The following ZNF554 variants were observed in gnomAD, a reference collection of about 807,000 sequenced individuals.
ZNF554 encodes zinc finger protein 554.
ZNF554 carries 15 observed loss-of-function variants against 21.2 expected under a neutral mutation model. The observed-to-expected ratio is 0.71, with a 90% CI of 0.47 to 1.09. The LOEUF (loss-of-function observed/expected upper bound fraction) is 1.09, where lower values mean the gene tolerates loss of function less well. Ranked by LOEUF, ZNF554 falls within the 50% of genes least tolerant of loss-of-function variation. ZNF554 has a pLI of 0.00. For synonymous variants in ZNF554, 258 were observed against 251.4 expected (o/e 1.03, Z -0.25); for missense variants, 691 against 662.7 (o/e 1.04, Z -0.47).
At chr19:2,832,040 C>T (rs2087427387) in intron 3 of ZNF554, 2 of 241,788 alleles carry the variant, frequency 8.3e-6, no homozygotes, top group Non-Finnish European at 1.6e-5. Context: ...ATTCTCCCAC[C>T]TCAGCCTCCT....
At chr19:2,820,265 C>T (rs984539799) in intron 1 of ZNF554, 141 bp downstream of exon 1, 94 of 809,668 alleles carry the variant, frequency 1.2e-4, no homozygotes, top group Non-Finnish European at 1.4e-4. Flanking sequence ...GAGCCGGCAG[C>T]TCGCCCAGGG....
At position 2,834,924 on chromosome 19, in the gene ZNF554, G is replaced by A. The variant is rs1421870620; in HGVS notation, c.*72G>A. On this transcript the variant is annotated 3_prime_UTR_variant, in exon 5 of 5. Coordinates refer to ENST00000317243, the MANE Select transcript of ZNF554 (RefSeq NM_001102651.2). ...ACATGTGGTTATCTTTTGCCCTGTT[G>A]TGATGGATAATTTGAAAAGAAGTGG... 2.9e-6 allele frequency: 4 copies of A among 1,367,486 alleles called. No homozygotes were observed. Among genetic ancestry groups the A allele is most frequent in the Non-Finnish European group, 4.0e-6 (4 of 1,007,620 alleles). The allele number at this position is 1,367,486 out of a possible 1,614,324, so 84.7% of individuals were successfully genotyped here.
chr19:2,828,616 AG>A (rs1325362360), intron 3 of ZNF554, among the ~76,000 whole-genome samples: 1 of 151,716 alleles, frequency 6.6e-6, no homozygotes, highest in Non-Finnish European at 1.5e-5. Context: ...GCAGGGTTGC[AG>A]TGAGCCAAGA....
In ZNF554 at chr19:2,834,527, C is replaced by A; in HGVS notation, c.1292C>A (p.Thr431Asn). ...CTGATCTTGCACAAGAGGACACACA[C>A]CGGAGAGAAGCCCTACGAATGCAGT... ...SYLILHKRTH[T>N]GEKPYECSEC... is the part of the protein sequence containing the mutation. Residue 431 changes from threonine to asparagine, a missense_variant, in exon 5 of 5, where the codon ACC becomes AAC. Thr to Asn is a moderately conservative substitution (Grantham distance 65). Transcript: ENST00000317243. The A allele has an allele frequency of 1.2e-6, 2 of 1,614,084 alleles. No homozygotes were observed. Among genetic ancestry groups the A allele is most frequent in the Non-Finnish European group, 1.7e-6 (2 of 1,180,024 alleles).
rs577320595 is a variant in ZNF554, at chr19:2,821,787, T to C, written c.54-1253T>C. ...GATCAAGCAATTCTGCCTCAGCCTC[T>C]CGAGTAGCTGGGATTACAGGTGCAC... On this transcript the variant is annotated intron_variant, in intron 1 of 4. Coordinates refer to ENST00000317243, the MANE Select transcript of ZNF554 (RefSeq NM_001102651.2). The surrounding 1 kb of genome is among the most constrained non-coding windows in gnomAD (Gnocchi z 8.2). Among the ~76,000 whole-genome samples, 6 of 150,848 alleles carry C rather than the reference T, an allele frequency of 4.0e-5. No individual in the cohort carries two copies. Among genetic ancestry groups the C allele is most frequent in the East Asian group, 4.0e-4 (2 of 4,998 alleles).
Position 2,820,093 on chromosome 19 carries a change from G to A in ZNF554, c.22G>A (p.Gly8Ser). The A allele has an allele frequency of 1.6e-6, 2 of 1,216,740 alleles. No homozygotes were observed. Among genetic ancestry groups the A allele is most frequent in the Non-Finnish European group, 2.0e-6 (2 of 977,866 alleles). 75.4% of individuals were successfully genotyped at this position (1,216,740 alleles called of 1,614,324 possible). The change falls in exon 1 of 5, where the codon GGC becomes AGC. Residue 8 changes from glycine (G) to serine (S), a missense_variant. Coordinates refer to ENST00000317243, the MANE Select transcript of ZNF554 (RefSeq NM_001102651.2). ...CCCGATGGTCACCTGCGCCCACCTG[G>A]GCCGGCGCGCGCGGCTCCCGGCAGC... Reference protein sequence around the residue: MVTCAHLGRRARLPAAQP... With the variant: MVTCAHLSRRARLPAAQP...
At chr19:2,823,333 C>T (rs1022775611) in intron 2 of ZNF554, among the ~76,000 whole-genome samples, 11 of 152,108 alleles carry the variant, frequency 7.2e-5, no homozygotes, top group East Asian at 1.9e-4. Context: ...GACAGTATTA[C>T]GGGATCCCTG....
In ZNF554 at chr19:2,821,067, C is replaced by T. The variant is rs1248373697; in HGVS notation, c.53+943C>T. ...CCCAACCTCCCTGAACTCTCCCCTA[C>T]CCAAACAGGTTGGTTTCTTTTTCTT... On this transcript the variant is annotated intron_variant, in intron 1 of 4. Coordinates refer to ENST00000317243, the MANE Select transcript of ZNF554 (RefSeq NM_001102651.2). The surrounding 1 kb of genome is among the most constrained non-coding windows in gnomAD (Gnocchi z 8.2). 2.6e-5 allele frequency among the ~76,000 whole-genome samples: 4 copies of T among 151,670 alleles called. No homozygotes were observed. The South Asian group carries it at 6.2e-4, about 24-fold the overall frequency.
chr19:2,828,473 G>C (rs972639548), intron 3 of ZNF554, among the ~76,000 whole-genome samples: 1 of 152,122 alleles, frequency 6.6e-6, no homozygotes, highest in Admixed American at 6.6e-5. Context: ...GTGATCACCT[G>C]AGGTCAGGAG....
intron 1 of ZNF554, 79 bp downstream of exon 1, chr19:2,820,203 C>A: frequency 8.5e-7 from 1 of 1,175,652 alleles, no homozygotes; most frequent in South Asian, 4.2e-5. Flanking sequence ...CTGGCGGGGC[C>A]GGGTGGCCGG....
At chr19:2,833,641 C>A in intron 4 of ZNF554, 40 bp from the exon 5 acceptor site, 2 of 1,495,056 alleles carry the variant, frequency 1.3e-6, no homozygotes, top group South Asian at 1.4e-5. Context: ...GTAGCTGTTT[C>A]TTCTTCTAAA....
chr19:2,836,216 TATTACGGGTGTGAGCCACCGTGCTGGG>T lies in ZNF554; in HGVS notation c.*1373_*1399del, dbSNP rs1568338811. On this transcript the variant is annotated 3_prime_UTR_variant, in exon 5 of 5. Transcript: ENST00000317243. ...TTACGGGTGTGAGCCACCGTGCTGG[TATTACGGGTGTGAGCCACCGTGCTGGG>T]ATTACGGGCGTGAGCCACTGTGCTG... Among the ~76,000 whole-genome samples the T allele has an allele frequency of 5.2e-5, 7 of 135,604 alleles. No individual in the cohort carries two copies. The highest frequency in any genetic ancestry group is 1.6e-4 in the African/African-American group (6 of 38,004). The allele number at this position is 135,604 out of a possible 152,430, so 89.0% of individuals were successfully genotyped here.
intron 1 of ZNF554, among the ~76,000 whole-genome samples, chr19:2,820,704 A>G (rs2087251602): frequency 1.6e-5 from 1 of 61,820 alleles, no homozygotes; most frequent in Non-Finnish European, 2.9e-5. Context: ...TTTTTTTGAG[A>G]CGGAGTCTGG....
At chr19:2,822,706 G>A (rs768443604) in intron 1 of ZNF554, among the ~76,000 whole-genome samples, 4 of 152,170 alleles carry the variant, frequency 2.6e-5, no homozygotes, top group South Asian at 2.1e-4. Flanking sequence ...GCAAGGCCCC[G>A]TCTCTACAGA....
rs995504687 is a variant in ZNF554, at chr19:2,832,306, C to G, written c.257C>G (p.Ala86Gly). 7 of 1,576,734 alleles carry G rather than the reference C, an allele frequency of 4.4e-6. No individual in the cohort carries two copies. Among genetic ancestry groups the G allele is most frequent in the East Asian group, 2.3e-5 (1 of 44,354 alleles). ...AGTATACTCTTGTCTTTTTCAGAAGCCTTGAAGAACCAATGTACTGATGTG... is the reference window on the plus strand; with the variant it reads ...AGTATACTCTTGTCTTTTTCAGAAGGCTTGAAGAACCAATGTACTGATGTG... The part of the protein sequence containing the change: ...ENYRNVVSLE[A>G]LKNQCTDVGI... The change falls in exon 4 of 5, where the codon GCC becomes GGC. Residue 86 changes from alanine to glycine, a missense_variant. Coordinates refer to ENST00000317243, the MANE Select transcript of ZNF554 (RefSeq NM_001102651.2).
rs1211233598 is a variant in ZNF554 at position 2,820,109 on chromosome 19, TC to T, written c.41del (p.Pro14ArgfsTer31). ...GCCCACCTGGGCCGGCGCGCGCGGC[TC>T]CCGGCAGCTCAGCCGTAAGTGCCGC... ...TCAHLGRRARLPAAQPSACPG... is the reference protein window; with the variant it reads ...TCAHLGRRARXPAAQPSACPG... On this transcript the variant is annotated frameshift_variant, in exon 1 of 5. Transcript: ENST00000317243. LOFTEE classifies it high-confidence loss of function. 1.1e-5 allele frequency: 13 copies of T among 1,219,630 alleles called. No homozygotes were observed. Among genetic ancestry groups the T allele is most frequent in the Non-Finnish European group, 1.3e-5 (13 of 979,886 alleles). 75.6% of individuals were successfully genotyped at this position (1,219,630 alleles called of 1,614,324 possible).
chr19:2,834,357 T>C lies in ZNF554; in HGVS notation c.1122T>C (p.His374=). Residue 374 remains histidine (H), a synonymous_variant, in exon 5 of 5, where the codon CAT becomes CAC. Transcript: ENST00000317243. ...CCCTCACGCGCCATCTGAGAACTCA[T>C]ACTGGAGAGAAGCCCTACGGGTGCG... is the stretch of plus-strand genomic sequence containing the variant. ...SSTLTRHLRT[H]TGEKPYGCGE... is the part of the protein sequence containing the mutation. 3.7e-6 allele frequency: 6 copies of C among 1,613,462 alleles called. No homozygotes were observed. The highest frequency in any genetic ancestry group is 2.2e-5 in the South Asian group (2 of 91,050).
At position 2,833,839 on chromosome 19, in the gene ZNF554, C is replaced by G. The variant is rs1568336636; in HGVS notation, c.604C>G (p.Gln202Glu). The G allele has an allele frequency of 6.2e-7, 1 of 1,612,486 alleles. No individual in the cohort carries two copies. The highest frequency in any genetic ancestry group is 1.3e-5 in the African/African-American group (1 of 74,950). ...TGAAGACCCCCAGGGGCTTTTGAGC[C>G]AAAAGGCATCCCTTCACGTAGTGGC... is the stretch of plus-strand genomic sequence containing the variant. ...SHEDPQGLLS[Q>E]KASLHVVAVP... Residue 202 changes from glutamine to glutamate, a missense_variant, in exon 5 of 5, where the codon CAA becomes GAA. By Grantham distance (29) the Gln-to-Glu change is conservative. Transcript: ENST00000317243.
rs2087356665 is a variant in ZNF554 at position 2,827,856 on chromosome 19, A to C, written c.253+113A>C. 2.2e-6 allele frequency: 3 copies of C among 1,372,918 alleles called. No individual in the cohort carries two copies. The South Asian group carries it at 3.9e-5, about 18-fold the overall frequency. 85.0% of individuals were successfully genotyped at this position (1,372,918 alleles called of 1,614,324 possible). ...CCCAAGACTGGGTAATTTGTAAAGGAAAGGGGGTTTAATGGACTCAGTTCC... is the reference window on the plus strand; with the variant it reads ...CCCAAGACTGGGTAATTTGTAAAGGCAAGGGGGTTTAATGGACTCAGTTCC... On this transcript the variant is annotated intron_variant, in intron 3 of 4. Transcript: ENST00000317243.
Sources: allele counts gnomAD v4.1 joint callset (sites outside exome capture counted in the v4.1 genomes callset), GRCh38; gene constraint gnomAD v4.1.1; non-coding constraint Gnocchi (gnomAD v3.1); transcripts MANE v1.5; gene names NCBI Gene and HGNC (gene_info 2026-07-23, HGNC 2026-07-21).